The following GRM7 variants were observed in gnomAD, a reference collection of about 807,000 sequenced individuals.
GRM7 encodes the protein metabotropic glutamate receptor 7.
In GRM7, 35 loss-of-function variants were observed where a neutral mutation model predicts 84.5. That is an observed-to-expected ratio of 0.41 (90% CI 0.32 to 0.55). The LOEUF is 0.55. Among genes scored for constraint, GRM7 ranks in the 20% least tolerant of loss-of-function variants. GRM7 has a pLI of 0.19. For synonymous variants in GRM7, 487 were observed against 455.1 expected (o/e 1.07, Z -0.89); for missense variants, 1,003 against 1,194.6 (o/e 0.84, Z 2.36).
chr3:7,604,730 G>T (rs865944741), intron 8 of GRM7, among the ~76,000 whole-genome samples: 3 of 152,146 alleles, frequency 2.0e-5, no homozygotes, highest in Non-Finnish European at 2.9e-5. Flanking sequence ...AGAAAAGGAA[G>T]ACAGATACAT....
chr3:7,029,791 T>C (rs925767608), intron 1 of GRM7, among the ~76,000 whole-genome samples: 5 of 152,198 alleles, frequency 3.3e-5, no homozygotes, highest in African/African-American at 1.2e-4. Flanking sequence ...ATGCTGGTGA[T>C]GGTTACGCAA....
chr3:6,872,422 T>C (rs1416064123), intron 1 of GRM7, among the ~76,000 whole-genome samples: 1 of 152,180 alleles, frequency 6.6e-6, no homozygotes, highest in Admixed American at 6.5e-5. Context: ...TCATGGATTA[T>C]TTCAGTCTGG....
chr3:7,001,546 C>A (rs1695014608), intron 1 of GRM7, among the ~76,000 whole-genome samples: 1 of 152,052 alleles, frequency 6.6e-6, no homozygotes, highest in Non-Finnish European at 1.5e-5. Flanking sequence ...AGCTTTTCCA[C>A]ATATGAAGAA....
At chr3:7,476,649 A>G (rs1285542109) in intron 7 of GRM7, among the ~76,000 whole-genome samples, 2 of 152,198 alleles carry the variant, frequency 1.3e-5, no homozygotes, top group Non-Finnish European at 2.9e-5. Context: ...CTTTTTCTGA[A>G]ACACAAATAA....
intron 1 of GRM7, among the ~76,000 whole-genome samples, chr3:7,131,769 G>C (rs1254460315): frequency 6.6e-6 from 1 of 152,158 alleles, no homozygotes; most frequent in Non-Finnish European, 1.5e-5. Context: ...ACAGGCGTGA[G>C]CCACCGCACC....
At chr3:7,561,551 G>A in intron 7 of GRM7, 1 of 456,556 alleles carries the variant, frequency 2.2e-6, no homozygotes, top group Non-Finnish European at 4.4e-6. Context: ...GTCCTTCCAG[G>A]ACATCGTAGT....
intron 4 of GRM7, among the ~76,000 whole-genome samples, chr3:7,312,700 T>C (rs1700443219): frequency 6.6e-6 from 1 of 152,078 alleles, no homozygotes; most frequent in Non-Finnish European, 1.5e-5. Flanking sequence ...AGTGACTTAA[T>C]CCTGACCATT....
chr3:7,505,749 C>T (rs1299942814), intron 7 of GRM7, among the ~76,000 whole-genome samples: 1 of 152,160 alleles, frequency 6.6e-6, no homozygotes, highest in Non-Finnish European at 1.5e-5. Context: ...AGAGCAGAGA[C>T]CTGAGGTGGC....
rs141657542 is a variant in GRM7, at chr3:7,297,322, T to C, written c.737-1362T>C. ...GATATTTTTATCTTTCTGTCATTGA[T>C]TTCTACTTTGATTCTGTTATACTGA... On this transcript the variant is annotated intron_variant, in intron 2 of 9. Transcript: ENST00000357716. Among the ~76,000 whole-genome samples the C allele has an allele frequency of 4.6e-5, 7 of 152,208 alleles. No homozygotes were observed. In the South Asian group the frequency reaches 8.3e-4, roughly 18 times the overall value.
intron 8 of GRM7, among the ~76,000 whole-genome samples, chr3:7,679,492 G>T (rs2125139906): frequency 6.6e-6 from 1 of 152,056 alleles, no homozygotes; most frequent in South Asian, 2.1e-4. Flanking sequence ...TGTTTTATAA[G>T]ACAGAATTAA....
chr3:7,307,181 C>T (rs781411846), intron 4 of GRM7, among the ~76,000 whole-genome samples: 25 of 152,146 alleles, frequency 1.6e-4, no homozygotes, highest in Non-Finnish European at 3.1e-4. Flanking sequence ...CTTTTCTTGC[C>T]TTTCTAAACT....
intron 2 of GRM7, among the ~76,000 whole-genome samples, chr3:7,297,433 T>C (rs1211818894): frequency 6.6e-6 from 1 of 152,230 alleles, no homozygotes; most frequent in African/African-American, 2.4e-5. Flanking sequence ...ATTGCATTTG[T>C]GCTTGAAAAG....
intron 9 of GRM7, among the ~76,000 whole-genome samples, chr3:7,729,995 C>T (rs1559509719): frequency 1.3e-5 from 2 of 149,936 alleles, no homozygotes; most frequent in Non-Finnish European, 2.9e-5. Flanking sequence ...CTGCCTCAGT[C>T]TCCCAAGTAG....
chr3:7,292,297 C>T (rs1190261581), intron 2 of GRM7, among the ~76,000 whole-genome samples: 2 of 152,160 alleles, frequency 1.3e-5, no homozygotes, highest in Non-Finnish European at 2.9e-5. Flanking sequence ...TTTGATGATT[C>T]CTCTAACAAG....
At chr3:6,950,496 G>C (rs1008248310) in intron 1 of GRM7, among the ~76,000 whole-genome samples, 4 of 152,178 alleles carry the variant, frequency 2.6e-5, no homozygotes, top group African/African-American at 9.6e-5. Context: ...TAGGCTGCTG[G>C]GGGGTCAGGG....
intron 2 of GRM7, among the ~76,000 whole-genome samples, chr3:7,269,472 G>T (rs1698774265): frequency 6.6e-6 from 1 of 152,028 alleles, no homozygotes; most frequent in African/African-American, 2.4e-5. Flanking sequence ...ATGTTTAATT[G>T]CTCTGGGTTG....
intron 1 of GRM7, among the ~76,000 whole-genome samples, chr3:6,896,525 G>A (rs1222923309): frequency 6.6e-6 from 1 of 152,138 alleles, no homozygotes; most frequent in Non-Finnish European, 1.5e-5. Flanking sequence ...AATCTAAAAT[G>A]CAAGTCCCTG....
intron 2 of GRM7, among the ~76,000 whole-genome samples, chr3:7,214,792 G>T (rs913250637): frequency 6.6e-6 from 1 of 152,110 alleles, no homozygotes; most frequent in East Asian, 1.9e-4. Context: ...AATAATCTTG[G>T]GTTTGTTTTT....
chr3:7,656,767 T>C (rs1699221829), intron 8 of GRM7, among the ~76,000 whole-genome samples: 1 of 152,026 alleles, frequency 6.6e-6, no homozygotes, highest in Non-Finnish European at 1.5e-5. Context: ...CTTTTTAAAA[T>C]ATGGTCAAAG....
Sources: gnomAD v4.1 joint callset for allele counts (sites outside exome capture counted in the v4.1 genomes callset) on GRCh38, gnomAD v4.1.1 for gene constraint, MANE v1.5 for transcripts, NCBI Gene and HGNC (gene_info 2026-07-23, HGNC 2026-07-21) for gene names.